The following PCLO variants were observed in gnomAD, a reference collection of about 807,000 sequenced individuals.
The protein encoded by PCLO is protein piccolo.
PCLO carries 82 observed loss-of-function variants against 427.5 expected under a neutral mutation model. The ratio of observed to expected loss-of-function variants is 0.19; its 90% confidence interval spans 0.16 to 0.23. PCLO has a LOEUF of 0.23. Ranked by LOEUF, PCLO falls within the 10% of genes least tolerant of loss-of-function variation. The pLI is 1.00. For missense variants in PCLO, 6,239 were observed against 6,115.9 expected, an observed-to-expected ratio of 1.02 and a Z score of -0.67; for synonymous variants, 2,357 against 2,155.4, an observed-to-expected ratio of 1.09 and a Z score of -2.59.
chr7:83,021,929 G>A (rs918316614), intron 3 of PCLO, among the ~76,000 whole-genome samples: 4 of 152,154 alleles, frequency 2.6e-5, no homozygotes, highest in African/African-American at 9.7e-5. Flanking sequence ...CTGCAAGCAA[G>A]CATTCTGGCA....
intron 3 of PCLO, among the ~76,000 whole-genome samples, chr7:82,982,365 A>G (rs1464810063): frequency 6.6e-6 from 1 of 152,120 alleles, no homozygotes; most frequent in Non-Finnish European, 1.5e-5. Context: ...AACTGAGTTG[A>G]TCCACGAAGA....
chr7:82,823,445 A>AATTATATTTATATTATATTATATTTAT, intron 19 of PCLO, among the ~76,000 whole-genome samples: 1 of 152,150 alleles, frequency 6.6e-6, no homozygotes, highest in Admixed American at 6.5e-5. Context: ...CCAATATAAA[A>AATTATATTTATATTATATTATATTTAT]ATTATATTTA....
chr7:83,150,055 T>C (rs576813130), intron 2 of PCLO, among the ~76,000 whole-genome samples: 7 of 152,356 alleles, frequency 4.6e-5, no homozygotes, highest in African/African-American at 1.4e-4. Context: ...TTGGTTCATT[T>C]TCAACATTCT....
At chr7:82,879,803 T>C (rs1172609793) in intron 9 of PCLO, 5 of 445,970 alleles carry the variant, frequency 1.1e-5, no homozygotes, top group Admixed American at 1.0e-4. Flanking sequence ...AATTCACTTA[T>C]GAGACTAAGG....
intron 3 of PCLO, among the ~76,000 whole-genome samples, chr7:83,103,838 G>A (rs1790792185): frequency 6.6e-6 from 1 of 151,864 alleles, no homozygotes; most frequent in Admixed American, 6.6e-5. Context: ...GTACTAAGCT[G>A]TCTCATGGGT....
At chr7:82,791,248 T>G (rs940414545) in intron 22 of PCLO, among the ~76,000 whole-genome samples, 1 of 132,774 alleles carries the variant, frequency 7.5e-6, no homozygotes, top group Admixed American at 7.3e-5. Flanking sequence ...AATCATCAAT[T>G]AGAATGAATA....
chr7:82,974,160 G>A (rs983432593), intron 3 of PCLO, among the ~76,000 whole-genome samples: 9 of 151,596 alleles, frequency 5.9e-5, no homozygotes, highest in Non-Finnish European at 1.2e-4. Context: ...ACCGAGGTGG[G>A]TAGATCTCTT....
At chr7:82,759,798 G>A (rs918140785) in intron 24 of PCLO, among the ~76,000 whole-genome samples, 7 of 151,528 alleles carry the variant, frequency 4.6e-5, no homozygotes, top group African/African-American at 1.7e-4. Context: ...TACTAAAGAC[G>A]TACTATGTGC....
intron 10 of PCLO, among the ~76,000 whole-genome samples, chr7:82,876,993 G>T (rs1177977143): frequency 6.6e-6 from 1 of 152,076 alleles, no homozygotes; most frequent in Non-Finnish European, 1.5e-5. Flanking sequence ...AGTTTTTAAT[G>T]ATTTCTCACT....
At chr7:82,905,857 G>A (rs1215488118) in intron 8 of PCLO, among the ~76,000 whole-genome samples, 2 of 151,982 alleles carry the variant, frequency 1.3e-5, no homozygotes, top group Admixed American at 1.3e-4. Flanking sequence ...TAGTCAAGAA[G>A]TGCTGACCTT....
At chr7:82,848,309 T>TTTTG (rs1337447732) in intron 10 of PCLO, among the ~76,000 whole-genome samples, 1 of 138,782 alleles carries the variant, frequency 7.2e-6, no homozygotes, top group Non-Finnish European at 1.6e-5. Flanking sequence ...AGTTAGTTTT[T>TTTTG]TTTTTTTTTT....
chr7:83,084,093 A>G (rs866585390), intron 3 of PCLO, among the ~76,000 whole-genome samples: 4 of 152,236 alleles, frequency 2.6e-5, no homozygotes, highest in Middle Eastern at 3.4e-3. Context: ...AACTTTGTCA[A>G]CTACAGATCC....
chr7:82,950,945 C>A lies in PCLO; in HGVS notation c.9643G>T (p.Asp3215Tyr), dbSNP rs75551727. The part of the protein sequence containing the change: ...PEEDKQQQQL[D>Y]LERELLELEK... ...AGTTCCAGGAGCTCACGCTCCAAGT[C>A]TAGCTGCTGCTGTTGTTTATCTTCT... Residue 3215 changes from aspartate (D) to tyrosine (Y), a missense_variant, in exon 6 of 25, where the codon GAC (aspartate) becomes TAC (tyrosine). Around this residue, in one of 5 missense-constraint regions of PCLO, gnomAD observed 4,677 missense variants for 4,468.4 expected, o/e 1.05. Coordinates refer to ENST00000333891, the MANE Select transcript of PCLO (RefSeq NM_033026.6). The A allele has an allele frequency of 1.2e-6, 2 of 1,613,496 alleles. No individual in the cohort carries two copies. Among genetic ancestry groups the A allele is most frequent in the Admixed American group, 1.7e-5 (1 of 60,014 alleles).
At position 82,949,958 on chromosome 7, in the gene PCLO, C is replaced by G. The variant is rs888397885; in HGVS notation, c.10630G>C (p.Asp3544His). The G allele has an allele frequency of 6.2e-7, 1 of 1,613,570 alleles. No individual in the cohort carries two copies. Reference sequence around the variant, plus strand: ...TGTTTAATTATTTCTACCTTGGCATCCACTCGTGCCCGTATGGAGGGTGTT... The same window carrying G: ...TGTTTAATTATTTCTACCTTGGCATGCACTCGTGCCCGTATGGAGGGTGTT... ...IRTPSIRARV[D>H]AKVEIIKHIS... is the part of the protein sequence containing the mutation. The change falls in exon 6 of 25, where the codon GAT becomes CAT. Residue 3544 changes from aspartate (D) to histidine (H), a missense_variant. Around this residue, in one of 5 missense-constraint regions of PCLO, gnomAD observed 4,677 missense variants for 4,468.4 expected, o/e 1.05. Transcript: ENST00000333891.
intron 3 of PCLO, among the ~76,000 whole-genome samples, chr7:83,108,447 G>T (rs1208854452): frequency 2.6e-5 from 4 of 151,994 alleles, no homozygotes; most frequent in African/African-American, 9.7e-5. Context: ...ACCAGAAATT[G>T]CCATTTTAAA....
chr7:82,822,100 T>TA (rs2115642341), intron 20 of PCLO: 1 of 1,032,496 alleles, frequency 9.7e-7, no homozygotes, highest in East Asian at 9.3e-5. Flanking sequence ...TGTGCACTTT[T>TA]TTTTTTTTGG....
intron 3 of PCLO, among the ~76,000 whole-genome samples, chr7:82,996,128 AAAAAT>A (rs1222763911): frequency 6.6e-6 from 1 of 151,862 alleles, no homozygotes; most frequent in Non-Finnish European, 1.5e-5. Flanking sequence ...AATGAATGTC[AAAAAT>A]AAAACAGGAA....
chr7:82,800,035 C>T (rs998290378), intron 22 of PCLO, among the ~76,000 whole-genome samples: 19 of 152,006 alleles, frequency 1.2e-4, no homozygotes, highest in African/African-American at 4.6e-4. Flanking sequence ...GACTAATCAA[C>T]ATATAAGAGA....
intron 1 of PCLO, among the ~76,000 whole-genome samples, chr7:83,159,049 T>G (rs1792371295): frequency 6.6e-6 from 1 of 152,066 alleles, no homozygotes; most frequent in Non-Finnish European, 1.5e-5. Context: ...AAGGATATAT[T>G]TCACTTATCT....
Sources: gnomAD v4.1 joint callset for allele counts (sites outside exome capture counted in the v4.1 genomes callset) on GRCh38, gnomAD v4.1.1 for gene constraint, gnomAD v4.1.1 regional missense constraint, MANE v1.5 for transcripts, NCBI Gene and HGNC (gene_info 2026-07-23, HGNC 2026-07-21) for gene names.